The following SRC variants were observed in gnomAD, a reference collection of about 807,000 sequenced individuals.
SRC encodes proto-oncogene tyrosine-protein kinase Src.
A neutral mutation model predicts 62.9 loss-of-function variants in SRC; 13 were observed. The ratio of observed to expected loss-of-function variants is 0.21; its 90% CI spans 0.13 to 0.33. The LOEUF (loss-of-function observed/expected upper bound fraction) is 0.33. Ranked by LOEUF, SRC falls within the 10% of genes least tolerant of loss-of-function variation. The probability of loss-of-function intolerance (pLI) is 1.00; values close to 1 mark genes in which losing one functional copy is unlikely to be tolerated. For synonymous variants in SRC, 302 were observed against 317.5 expected (o/e 0.95, Z 0.52); for missense variants, 457 against 737.3 (o/e 0.62, Z 4.40).
intron 2 of SRC, among the ~76,000 whole-genome samples, chr20:37,370,013 T>G (rs1283092650): frequency 6.6e-6 from 1 of 152,166 alleles, no homozygotes; most frequent in Non-Finnish European, 1.5e-5. Flanking sequence ...TTGGCCACAC[T>G]GGTCTCTAAC....
chr20:37,381,231 T>G (rs1031644332), intron 2 of SRC, among the ~76,000 whole-genome samples: 2 of 152,216 alleles, frequency 1.3e-5, no homozygotes, highest in African/African-American at 4.8e-5. Context: ...GTCCCTGTTA[T>G]GCTTTTTCTG....
chr20:37,382,212 A>G (rs1171662834), intron 2 of SRC, among the ~76,000 whole-genome samples: 1 of 138,300 alleles, frequency 7.2e-6, no homozygotes, highest in Non-Finnish European at 1.5e-5. Flanking sequence ...CACAATATCA[A>G]TAACGGCTGA....
intron 5 of SRC, among the ~76,000 whole-genome samples, chr20:37,393,062 C>T (rs1257118934): frequency 6.6e-6 from 1 of 152,164 alleles, no homozygotes; most frequent in African/African-American, 2.4e-5. Flanking sequence ...GGGACCCGAC[C>T]ACGCCGGGAG....
chr20:37,387,717 C>T (rs972033576), intron 5 of SRC, among the ~76,000 whole-genome samples: 1 of 152,222 alleles, frequency 6.6e-6, no homozygotes, highest in African/African-American at 2.4e-5. Context: ...ACTTCTGGGT[C>T]CCCATAGCAC....
At position 37,398,327 on chromosome 20, in the gene SRC, T is replaced by C. The variant is rs975394374; in HGVS notation, c.859+473T>C. ...CTGTTAGCGATTTCCCGTCTGACCCTGGAGAAACAGCAAAGCATGAGCACC... is the reference window on the plus strand; with the variant it reads ...CTGTTAGCGATTTCCCGTCTGACCCCGGAGAAACAGCAAAGCATGAGCACC... On this transcript the variant is annotated intron_variant, in intron 9 of 13. Coordinates refer to ENST00000373578, the MANE Select transcript of SRC (RefSeq NM_198291.3). This position sits in a 1 kb window ranked among gnomAD's most constrained non-coding sequence, Gnocchi z 5.2. Among the ~76,000 whole-genome samples the C allele has an allele frequency of 6.6e-6, 1 of 152,172 alleles. No homozygotes were observed. The highest frequency in any genetic ancestry group is 2.4e-5 in the African/African-American group (1 of 41,442).
chr20:37,394,226 G>A lies in SRC; in HGVS notation c.502G>A (p.Ala168Thr). ...RRESERLLLNAENPRGTFLVR... is the reference protein window; with the variant it reads ...RRESERLLLNTENPRGTFLVR... Reference sequence around the variant, plus strand: ...GGAGTCAGAGCGGTTACTGCTCAATGCAGAGAACCCGAGAGGGACCTTCCT... The same window carrying A: ...GGAGTCAGAGCGGTTACTGCTCAATACAGAGAACCCGAGAGGGACCTTCCT... Residue 168 changes from alanine (A) to threonine (T), a missense_variant, in exon 7 of 14, where the codon GCA (alanine) becomes ACA (threonine). Physicochemically the swap from Ala to Thr is moderately conservative, Grantham distance 58. This residue lies in a region of SRC where 141 missense variants were observed against 198.4 expected (regional missense o/e 0.71). Coordinates refer to ENST00000373578, the MANE Select transcript of SRC (RefSeq NM_198291.3). 1 of 1,614,050 alleles carries A rather than the reference G, an allele frequency of 6.2e-7. No individual in the cohort carries two copies. The highest frequency in any genetic ancestry group is 8.5e-7 in the Non-Finnish European group (1 of 1,180,038).
chr20:37,380,934 G>T (rs2070356846), intron 2 of SRC, among the ~76,000 whole-genome samples: 1 of 151,634 alleles, frequency 6.6e-6, no homozygotes, highest in Non-Finnish European at 1.5e-5. Context: ...ATTTACGGAG[G>T]CCTGGTAACG....
chr20:37,385,078 A>G (rs1417324768), intron 4 of SRC, among the ~76,000 whole-genome samples: 1 of 152,188 alleles, frequency 6.6e-6, no homozygotes, highest in Admixed American at 6.5e-5. Context: ...CACATCCCCA[A>G]CGCAGATGTA....
At chr20:37,401,569 G>T in intron 10 of SRC, 33 bp from the exon 11 acceptor site, 1 of 1,570,864 alleles carries the variant, frequency 6.4e-7, no homozygotes, top group Non-Finnish European at 8.7e-7. Context: ...GAGGGACAGG[G>T]CAGGAGCTGG....
intron 2 of SRC, among the ~76,000 whole-genome samples, chr20:37,373,327 TAC>T (rs373666936): frequency 6.7e-6 from 1 of 149,426 alleles, no homozygotes; most frequent in African/African-American, 2.5e-5. Context: ...TGTACACACA[TAC>T]ACACATGTAC....
chr20:37,375,674 C>T (rs2147007871), intron 2 of SRC, among the ~76,000 whole-genome samples: 1 of 152,300 alleles, frequency 6.6e-6, no homozygotes, highest in South Asian at 2.1e-4. Flanking sequence ...CACACCCAAC[C>T]CTCTTTTTCT....
intron 1 of SRC, among the ~76,000 whole-genome samples, chr20:37,360,909 T>G (rs980817583): frequency 6.6e-6 from 1 of 152,202 alleles, no homozygotes; most frequent in African/African-American, 2.4e-5. Flanking sequence ...GTGGAGTAAC[T>G]TTCCCAAGGT....
chr20:37,375,752 G>T lies in SRC; in HGVS notation c.-172-6867G>T, dbSNP rs541726102. ...GTGGACATGTATCTTAGTTCATTCA[G>T]GCTGCTGTAACAAAATACCATAGAC... On this transcript the variant is annotated intron_variant, in intron 2 of 13. Transcript: ENST00000373578. Among the ~76,000 whole-genome samples the T allele has an allele frequency of 3.3e-5, 5 of 152,282 alleles. No individual in the cohort carries two copies. The South Asian group carries it at 1.0e-3, about 32-fold the overall frequency.
At position 37,402,123 on chromosome 20, in the gene SRC, G is replaced by A. The variant is rs2070746266; in HGVS notation, c.1117-312G>A. 2 of 371,974 alleles carry A rather than the reference G, an allele frequency of 5.4e-6. No homozygotes were observed. Among genetic ancestry groups the A allele is most frequent in the East Asian group, 5.0e-5 (1 of 19,876 alleles). The allele number at this position is 371,974 out of a possible 1,614,324, so 23.0% of individuals were successfully genotyped here. A position where few individuals can be genotyped will look rare whatever the true frequency, so the allele number is the denominator to read the frequency against. ...GGACTTGGGCAGCAGGCAGGACCTG[G>A]CACTCATCTGTGTCTGGGTCCGCTG... is the stretch of plus-strand genomic sequence containing the variant. On this transcript the variant is annotated intron_variant, in intron 11 of 13. Transcript: ENST00000373578. This position sits in a 1 kb window ranked among gnomAD's most constrained non-coding sequence, Gnocchi z 6.2.
intron 1 of SRC, among the ~76,000 whole-genome samples, chr20:37,347,954 T>G (rs2069747561): frequency 6.6e-6 from 1 of 152,210 alleles, no homozygotes; most frequent in African/African-American, 2.4e-5. Context: ...ACTGCTCTGC[T>G]GAGGGATTGA....
At chr20:37,361,635 G>A (rs1035498365) in intron 1 of SRC, among the ~76,000 whole-genome samples, 7 of 152,244 alleles carry the variant, frequency 4.6e-5, no homozygotes, top group African/African-American at 1.4e-4. Context: ...TCTCCACAAG[G>A]CACATCAGCC....
chr20:37,368,342 C>T (rs984021364), intron 2 of SRC, among the ~76,000 whole-genome samples: 1 of 151,762 alleles, frequency 6.6e-6, no homozygotes, highest in Admixed American at 6.6e-5. Context: ...CACTTGAATT[C>T]GGGAGGCGGA....
upstream of SRC, among the ~76,000 whole-genome samples, chr20:37,345,682 T>C (rs1306138474): frequency 6.6e-6 from 1 of 152,200 alleles, no homozygotes; most frequent in African/African-American, 2.4e-5. Flanking sequence ...GGCCAGGTGG[T>C]GGTTAGGATT....
intron 10 of SRC, among the ~76,000 whole-genome samples, chr20:37,400,890 C>T (rs891510518): frequency 2.0e-5 from 3 of 152,214 alleles, no homozygotes; most frequent in Admixed American, 2.0e-4. Context: ...CAAACCCAAG[C>T]ACCCACTGAT....
Sources: gnomAD v4.1 joint callset for allele counts (sites outside exome capture counted in the v4.1 genomes callset) on GRCh38, gnomAD v4.1.1 for gene constraint, gnomAD v4.1.1 regional missense constraint, Gnocchi (gnomAD v3.1) non-coding constraint, MANE v1.5 for transcripts, NCBI Gene and HGNC (gene_info 2026-07-23, HGNC 2026-07-21) for gene names.